Variants in SMIM36 observed in about 807,000 individuals in gnomAD.
SMIM36 encodes the protein small integral membrane protein 36.
chr17:55,492,288 G>C (rs1909723919), intron 1 of SMIM36, among the ~76,000 whole-genome samples: 3 of 133,852 alleles, frequency 2.2e-5, no homozygotes, highest in Admixed American at 1.6e-4. Flanking sequence ...CTGTCACCAG[G>C]CTGGATTGCA....
intron 1 of SMIM36, among the ~76,000 whole-genome samples, chr17:55,502,668 TCTC>T (rs1435892647): frequency 1.7e-5 from 2 of 117,306 alleles, no homozygotes; most frequent in Non-Finnish European, 3.4e-5. Context: ...TCAGAGCGCC[TCTC>T]CTCCTCCAAA....
chr17:55,462,460 A>C (rs1666186280), intron 4 of SMIM36, among the ~76,000 whole-genome samples: 1 of 152,104 alleles, frequency 6.6e-6, no homozygotes. Context: ...AAATTTAAAA[A>C]ATTAGCCAGG....
At chr17:55,472,927 A>G (rs916511365) in intron 3 of SMIM36, among the ~76,000 whole-genome samples, 3 of 152,020 alleles carry the variant, frequency 2.0e-5, no homozygotes, top group Admixed American at 6.6e-5. Context: ...AGGATAGCAA[A>G]AGAAATAGCC....
At chr17:55,530,413 G>T in the SMIM36 span, among the ~76,000 whole-genome samples, 1 of 152,192 alleles carries the variant, frequency 6.6e-6, no homozygotes, top group Non-Finnish European at 1.5e-5. Flanking sequence ...GAGGCAGAAG[G>T]TTTCCCTTTT....
intron 3 of SMIM36, among the ~76,000 whole-genome samples, chr17:55,468,554 G>A (rs904459218): frequency 1.1e-4 from 16 of 152,248 alleles, no homozygotes; most frequent in East Asian, 3.9e-4. Context: ...TCTGATCACC[G>A]TGGGGATGCC....
chr17:55,460,963 G>A (rs1909140003), intron 4 of SMIM36, among the ~76,000 whole-genome samples: 3 of 152,232 alleles, frequency 2.0e-5, no homozygotes, highest in African/African-American at 7.2e-5. Flanking sequence ...GAGCTAAAGA[G>A]AAAATCTGGG....
At chr17:55,453,572 A>T (rs982481491) in intron 4 of SMIM36, among the ~76,000 whole-genome samples, 1 of 152,224 alleles carries the variant, frequency 6.6e-6, no homozygotes, top group South Asian at 2.1e-4. Context: ...CAAGTATAAC[A>T]TATATGCCAA....
At chr17:55,466,135 G>A (rs1198988911) in intron 4 of SMIM36, among the ~76,000 whole-genome samples, 2 of 151,906 alleles carry the variant, frequency 1.3e-5, no homozygotes, top group Admixed American at 6.6e-5. Flanking sequence ...AAATTAGCCT[G>A]GCATGGTGGC....
intron 1 of SMIM36, among the ~76,000 whole-genome samples, chr17:55,495,990 A>G (rs534317099): frequency 6.6e-6 from 1 of 152,160 alleles, no homozygotes. Flanking sequence ...CCTTCTGATC[A>G]TGTGTATAAT....
intron 1 of SMIM36, among the ~76,000 whole-genome samples, chr17:55,479,931 C>T (rs1909491449): frequency 1.3e-5 from 2 of 152,168 alleles, no homozygotes; most frequent in Non-Finnish European, 2.9e-5. Flanking sequence ...GACACTGTCA[C>T]AATTTTTGCT....
chr17:55,476,465 C>T (rs1909427938), intron 3 of SMIM36, among the ~76,000 whole-genome samples: 1 of 152,222 alleles, frequency 6.6e-6, no homozygotes, highest in African/African-American at 2.4e-5. Flanking sequence ...AGCTTTATTG[C>T]TCACATAAAG....
rs950318158 is a variant in SMIM36 at position 55,488,839 on chromosome 17, C to T, written c.*175-9259G>A. Among the ~76,000 whole-genome samples the T allele has an allele frequency of 2.4e-4, 37 of 152,084 alleles. 1 individual carries two copies. Among genetic ancestry groups the T allele is most frequent in the East Asian group, 1.9e-4 (1 of 5,194 alleles). On this transcript the variant is annotated intron_variant, in intron 1 of 4. Coordinates refer to ENST00000636752, the Ensembl canonical transcript of SMIM36. ...CTTTACACATATATATCTGATCAAA[C>T]GGCCCTATAACTTGTATGAATGCGT...
upstream of SMIM36, among the ~76,000 whole-genome samples, chr17:55,512,974 T>C (rs542236154): frequency 1.1e-4 from 17 of 152,346 alleles, no homozygotes; most frequent in South Asian, 3.3e-3. Flanking sequence ...GGGGTTCTTA[T>C]GCATCTGGAG....
At chr17:55,525,067 GA>G in the SMIM36 span, among the ~76,000 whole-genome samples, 1 of 152,192 alleles carries the variant, frequency 6.6e-6, no homozygotes, top group Non-Finnish European at 1.5e-5. Context: ...GCCAAGGCTT[GA>G]ATCTAGGCAG....
rs190059987 is a variant in SMIM36 at position 55,510,549 on chromosome 17, C to T, written c.*174+330G>A. On this transcript the variant is annotated intron_variant, in intron 1 of 4. Transcript: ENST00000636752. Reference sequence around the variant, plus strand: ...TCAAGGCTGCAGTGAGCTATGATCACGCTGCTGCACTTAAGCATGGGCAAC... The same window carrying T: ...TCAAGGCTGCAGTGAGCTATGATCATGCTGCTGCACTTAAGCATGGGCAAC... Among the ~76,000 whole-genome samples the T allele has an allele frequency of 5.9e-5, 9 of 152,222 alleles. No individual in the cohort carries two copies. The East Asian group carries it at 1.2e-3, about 20-fold the overall frequency.
rs149619265 is a variant in SMIM36 at position 55,467,735 on chromosome 17, G to A, written c.*348-407C>T. 1.4e-4 allele frequency among the ~76,000 whole-genome samples: 21 copies of A among 152,250 alleles called. No individual in the cohort carries two copies. The East Asian group carries it at 3.5e-3, about 25-fold the overall frequency. On this transcript the variant is annotated intron_variant, in intron 3 of 4. Coordinates refer to ENST00000636752, the Ensembl canonical transcript of SMIM36. ...TTTGATAAATGCAGGTTGAGTTTGC[G>A]ATTGTCTCTGCTGCAACCTGGCTTT...
chr17:55,497,342 G>A (rs1208564675), intron 1 of SMIM36, among the ~76,000 whole-genome samples: 3 of 151,988 alleles, frequency 2.0e-5, no homozygotes, highest in Non-Finnish European at 2.9e-5. Flanking sequence ...TTGGCTCACC[G>A]CAACTTCTGC....
upstream of SMIM36, among the ~76,000 whole-genome samples, chr17:55,513,891 C>G (rs1228157862): frequency 1.3e-5 from 2 of 152,108 alleles, no homozygotes; most frequent in Non-Finnish European, 2.9e-5. Context: ...TCTGGCCTGT[C>G]TTCTTAGATT....
At chr17:55,526,614 T>C in the SMIM36 span, among the ~76,000 whole-genome samples, 4 of 152,362 alleles carry the variant, frequency 2.6e-5, no homozygotes, top group African/African-American at 7.2e-5. Context: ...AAGTCTAAGA[T>C]TTATGGTCCA....
Sources: gnomAD v4.1 joint callset for allele counts (sites outside exome capture counted in the v4.1 genomes callset) on GRCh38, gnomAD v4.1.1 for gene constraint, MANE v1.5 for transcripts, NCBI Gene and HGNC (gene_info 2026-07-23, HGNC 2026-07-21) for gene names.